MYO10: variants seen among roughly 807,000 people sequenced by gnomAD.
MYO10 encodes the protein myosin X, also known as unconventional myosin-X.
MYO10 carries 133 observed loss-of-function variants against 257.3 expected under a neutral mutation model. The observed-to-expected ratio is 0.52, with a 90% CI of 0.45 to 0.60. The LOEUF (loss-of-function observed/expected upper bound fraction) is 0.60. Ranked by LOEUF, MYO10 falls within the 20% of genes least tolerant of loss-of-function variation. MYO10 has a pLI of 0.00. For missense variants in MYO10, 2,399 were observed against 2,635.7 expected, an observed-to-expected ratio of 0.91 and a Z score of 1.97; for synonymous variants, 1,104 against 1,028.6, an observed-to-expected ratio of 1.07 and a Z score of -1.40.
rs796474728 is a variant in MYO10 at position 16,677,416 on chromosome 5, C to CTTTTTTTTTTTTTTTTTTTT, written c.4543-1263_4543-1262insAAAAAAAAAAAAAAAAAAAA. Among the ~76,000 whole-genome samples the CTTTTTTTTTTTTTTTTTTTT allele has an allele frequency of 3.4e-4, 41 of 119,380 alleles. 1 individual carries two copies. Among genetic ancestry groups the CTTTTTTTTTTTTTTTTTTTT allele is most frequent in the East Asian group, 1.2e-3 (5 of 4,268 alleles). 78.3% of individuals were successfully genotyped at this position (119,380 alleles called of 152,430 possible). On this transcript the variant is annotated intron_variant, in intron 33 of 40. Coordinates refer to ENST00000513610, the MANE Select transcript of MYO10 (RefSeq NM_012334.3). ...ATGGACTTATTTAGGGTAACTTGAC[C>CTTTTTTTTTTTTTTTTTTTT]TTTTTTTTTTTTTTTTTGAGACGGA...
intron 9 of MYO10, among the ~76,000 whole-genome samples, chr5:16,775,453 G>GGGTCTTACT (rs1741185073): frequency 6.6e-6 from 1 of 152,144 alleles, no homozygotes; most frequent in Admixed American, 6.5e-5. Flanking sequence ...TTTTGAGACA[G>GGGTCTTACT]GGTCTTACTC....
intron 18 of MYO10, 93 bp downstream of exon 18, chr5:16,758,025 A>G: frequency 1.1e-6 from 1 of 935,218 alleles, no homozygotes; most frequent in Non-Finnish European, 1.7e-6. Flanking sequence ...ATAAACAAAT[A>G]TTCTCATAGA....
Position 16,685,885 on chromosome 5 carries a change from G to C in MYO10, c.3897-54C>G, listed in dbSNP as rs534866890. ...GAGAGGCCAACCTCGTACTGGCAAA[G>C]CAATAGTGCCCTACTGCACGTGCTC... On this transcript the variant is annotated intron_variant, in intron 28 of 40. Coordinates refer to ENST00000513610, the MANE Select transcript of MYO10 (RefSeq NM_012334.3). 4.4e-6 allele frequency: 6 copies of C among 1,370,758 alleles called. No individual in the cohort carries two copies. In the South Asian group the frequency reaches 6.2e-5, roughly 14 times the overall value. The allele number at this position is 1,370,758 out of a possible 1,614,324, so 84.9% of individuals were successfully genotyped here.
chr5:16,698,201 T>C (rs1417187611), intron 26 of MYO10, among the ~76,000 whole-genome samples: 1 of 152,058 alleles, frequency 6.6e-6, no homozygotes, highest in African/African-American at 2.4e-5. Flanking sequence ...TGAGATTCCA[T>C]CTCTATAAAA....
chr5:16,708,568 C>T (rs1738450531), intron 21 of MYO10, among the ~76,000 whole-genome samples: 2 of 152,126 alleles, frequency 1.3e-5, no homozygotes, highest in Admixed American at 6.5e-5. Context: ...AATGCAATTT[C>T]TTTTTGTTTT....
At position 16,671,512 on chromosome 5, in the gene MYO10, C is replaced by T; in HGVS notation, c.5340G>A (p.Leu1780=). 2.5e-6 allele frequency: 4 copies of T among 1,613,962 alleles called. No homozygotes were observed. Among genetic ancestry groups the T allele is most frequent in the African/African-American group, 1.3e-5 (1 of 75,034 alleles). ...KLAATSEVGD[L]PWKFYFKLYC... ...AAAGTTTGAAGTAGAATTTCCATGGCAGGTCCCCAACCTCGGATGTGGCAG... is the reference window on the plus strand; with the variant it reads ...AAAGTTTGAAGTAGAATTTCCATGGTAGGTCCCCAACCTCGGATGTGGCAG... The change falls in exon 38 of 41, where the codon CTG becomes CTA. Residue 1780 remains leucine, a synonymous_variant. Coordinates refer to ENST00000513610, the MANE Select transcript of MYO10 (RefSeq NM_012334.3).
rs1560979466 is a variant in MYO10 at position 16,777,839 on chromosome 5, C to CCTTTT, written c.930+1705_930+1706insAAAAG. 6.8e-5 allele frequency among the ~76,000 whole-genome samples: 6 copies of CCTTTT among 88,482 alleles called. 1 individual carries two copies. Among genetic ancestry groups the CCTTTT allele is most frequent in the African/African-American group, 5.4e-5 (1 of 18,638 alleles). 58.0% of individuals were successfully genotyped at this position (88,482 alleles called of 152,430 possible). ...GCCACCCTAGGTGCATTGCATCTAA[C>CCTTTT]TTTTTTTTTTTTTTTTTTTTTTTTT... On this transcript the variant is annotated intron_variant, in intron 9 of 40. Coordinates refer to ENST00000513610, the MANE Select transcript of MYO10 (RefSeq NM_012334.3).
intron 32 of MYO10, among the ~76,000 whole-genome samples, chr5:16,680,757 T>C (rs1435690159): frequency 6.6e-6 from 1 of 152,236 alleles, no homozygotes; most frequent in Non-Finnish European, 1.5e-5. Context: ...ATTTATCTTT[T>C]ACAGGTTGCA....
chr5:16,677,305 C>T (rs551109392), intron 33 of MYO10, among the ~76,000 whole-genome samples: 28 of 151,890 alleles, frequency 1.8e-4, no homozygotes, highest in African/African-American at 5.8e-4. Context: ...GGTAAGTTGA[C>T]TCATTTCTTA....
intron 2 of MYO10, among the ~76,000 whole-genome samples, chr5:16,850,156 G>C (rs1182666805): frequency 1.3e-5 from 2 of 152,194 alleles, no homozygotes. Context: ...ACTGTGCCTG[G>C]AGATATTAGG....
At chr5:16,867,868 A>G (rs938018085) in intron 2 of MYO10, among the ~76,000 whole-genome samples, 27 of 152,218 alleles carry the variant, frequency 1.8e-4, no homozygotes, top group African/African-American at 6.5e-4. Flanking sequence ...AATAGAGAGA[A>G]GGACATGGAG....
chr5:16,669,416 G>C (rs1245404181), intron 39 of MYO10, among the ~76,000 whole-genome samples: 3 of 152,072 alleles, frequency 2.0e-5, no homozygotes, highest in Admixed American at 1.3e-4. Context: ...GTGTTAGCCA[G>C]GATGGTCTCG....
intron 3 of MYO10, among the ~76,000 whole-genome samples, chr5:16,810,340 A>G (rs898484917): frequency 3.3e-5 from 5 of 152,050 alleles, no homozygotes; most frequent in Non-Finnish European, 5.9e-5. Flanking sequence ...TACAGTCCCC[A>G]TGACTTTTCT....
In MYO10 at chr5:16,681,445, T is replaced by A; in HGVS notation, c.4248A>T (p.Lys1416Asn). ...SPKMSSLKLK[K>N]RWFVLTHNSL... ...AATTGTGGGTGAGTACAAACCACCG[T>A]TTCTTCAGTTTCAGTGAAGACATCT... Residue 1416 changes from lysine to asparagine, a missense_variant, in exon 32 of 41, where the codon AAA (lysine) becomes AAT (asparagine). Physicochemically the swap from Lys to Asn is moderately conservative, Grantham distance 94. Around this residue, in one of 3 missense-constraint regions of MYO10, gnomAD observed 1,820 missense variants for 1,939.4 expected, o/e 0.94. Transcript: ENST00000513610. 1 of 1,613,912 alleles carries A rather than the reference T, an allele frequency of 6.2e-7. No individual in the cohort carries two copies. Among genetic ancestry groups the A allele is most frequent in the Non-Finnish European group, 8.5e-7 (1 of 1,179,864 alleles).
intron 1 of MYO10, among the ~76,000 whole-genome samples, chr5:16,883,718 C>T (rs1292831930): frequency 6.6e-6 from 1 of 152,196 alleles, no homozygotes; most frequent in East Asian, 1.9e-4. Context: ...GATAGTATCA[C>T]CATCACAAAT....
In MYO10 at chr5:16,908,209, T is replaced by C. The variant is rs201939352; in HGVS notation, c.21+27579A>G. On this transcript the variant is annotated intron_variant, in intron 1 of 40. Coordinates refer to ENST00000513610, the MANE Select transcript of MYO10 (RefSeq NM_012334.3). ...TTGTGCCACTGCACTCCATCCAGCC[T>C]GGGTGACAGAGTGAGACTCTTGCTC... Among the ~76,000 whole-genome samples, 10 of 148,686 alleles carry C rather than the reference T, an allele frequency of 6.7e-5. No individual in the cohort carries two copies. In the East Asian group the frequency reaches 2.0e-3, roughly 30 times the overall value.
intron 7 of MYO10, 42 bp from the exon 8 acceptor site, chr5:16,780,650 T>C: frequency 6.5e-7 from 1 of 1,549,428 alleles, no homozygotes; most frequent in Non-Finnish European, 8.8e-7. Flanking sequence ...ATGTGTCCTG[T>C]GCTTAATTCA....
chr5:16,895,311 G>A (rs1280039670), intron 1 of MYO10, among the ~76,000 whole-genome samples: 4 of 152,234 alleles, frequency 2.6e-5, no homozygotes, highest in Non-Finnish European at 5.9e-5. Context: ...TGAAGACCCT[G>A]CTGCAGTGAA....
chr5:16,844,421 T>C (rs1743570715), intron 2 of MYO10, among the ~76,000 whole-genome samples: 1 of 150,416 alleles, frequency 6.6e-6, no homozygotes, highest in South Asian at 2.1e-4. Flanking sequence ...TTCATTTTTT[T>C]TTTAGTGTCA....
Sources: allele counts gnomAD v4.1 joint callset (sites outside exome capture counted in the v4.1 genomes callset), GRCh38; gene constraint gnomAD v4.1.1; regional missense constraint gnomAD v4.1.1; transcripts MANE v1.5; gene names NCBI Gene and HGNC (gene_info 2026-07-23, HGNC 2026-07-21).